LSAMP: variants seen among roughly 807,000 people sequenced by gnomAD.
LSAMP encodes the protein limbic system associated membrane protein, also known as limbic system-associated membrane protein.
A neutral mutation model predicts 38.6 loss-of-function variants in LSAMP; 7 were observed. The observed-to-expected ratio is 0.18, with a 90% CI of 0.10 to 0.34. The LOEUF (loss-of-function observed/expected upper bound fraction) is 0.34. Ranked by LOEUF, LSAMP falls within the 10% of genes least tolerant of loss-of-function variation. LSAMP has a pLI of 1.00. For synonymous variants in LSAMP, 154 were observed against 166.8 expected (o/e 0.92, Z 0.59); for missense variants, 313 against 420.0 (o/e 0.75, Z 2.23).
intron 1 of LSAMP, among the ~76,000 whole-genome samples, chr3:116,279,689 T>G (rs1258532982): frequency 6.6e-6 from 1 of 152,204 alleles, no homozygotes; most frequent in African/African-American, 2.4e-5. Context: ...TACTGTCACA[T>G]GTAGATTGCT....
At chr3:116,091,250 A>G (rs1708117005) in intron 1 of LSAMP, among the ~76,000 whole-genome samples, 1 of 152,228 alleles carries the variant, frequency 6.6e-6, no homozygotes, top group Admixed American at 6.5e-5. Flanking sequence ...GCCAGAGTTT[A>G]AGGTTATCTC....
At chr3:116,307,551 T>A (rs900428876) in intron 1 of LSAMP, among the ~76,000 whole-genome samples, 12 of 152,046 alleles carry the variant, frequency 7.9e-5, no homozygotes, top group African/African-American at 2.9e-4. Context: ...GAAAATCTCC[T>A]GGTGCTTTCT....
At chr3:116,053,543 T>A in intron 2 of LSAMP, among the ~76,000 whole-genome samples, 1 of 152,172 alleles carries the variant, frequency 6.6e-6, no homozygotes, top group East Asian at 1.9e-4. Context: ...GTAAGTTGAA[T>A]GAAAATGTAT....
At chr3:116,214,654 C>G (rs964827742) in intron 1 of LSAMP, among the ~76,000 whole-genome samples, 1 of 151,996 alleles carries the variant, frequency 6.6e-6, no homozygotes, top group Non-Finnish European at 1.5e-5. Flanking sequence ...AGGTGCCCAC[C>G]ACCACGCATG....
chr3:116,180,672 T>C (rs1216584568), intron 1 of LSAMP, among the ~76,000 whole-genome samples: 1 of 152,190 alleles, frequency 6.6e-6, no homozygotes, highest in African/African-American at 2.4e-5. Context: ...AATTATTTTG[T>C]TACATACAAA....
At chr3:115,897,221 T>C (rs542977716) in intron 3 of LSAMP, among the ~76,000 whole-genome samples, 2 of 152,214 alleles carry the variant, frequency 1.3e-5, no homozygotes, top group South Asian at 4.1e-4. Context: ...TGATCATTTT[T>C]CCCCTCATTT....
chr3:116,200,730 C>A (rs566998299), intron 1 of LSAMP, among the ~76,000 whole-genome samples: 12 of 152,244 alleles, frequency 7.9e-5, no homozygotes, highest in African/African-American at 2.6e-4. Flanking sequence ...AATTTACCAC[C>A]CACTAATGCC....
intron 1 of LSAMP, among the ~76,000 whole-genome samples, chr3:116,088,034 T>G (rs1882011): frequency 0.026 from 3,947 of 151,472 alleles, 175 homozygotes; most frequent in African/African-American, 0.09. Flanking sequence ...GCTAGGATGA[T>G]AGGTGCATGC....
chr3:116,178,096 C>CGTGTGTGTGTGTGT (rs10662261), intron 1 of LSAMP, among the ~76,000 whole-genome samples: 2 of 150,038 alleles, frequency 1.3e-5, no homozygotes, highest in African/African-American at 2.4e-5. Flanking sequence ...GTCTTGTGTA[C>CGTGTGTGTGTGTGT]GTGTGTGTGT....
intron 4 of LSAMP, among the ~76,000 whole-genome samples, chr3:115,850,842 G>C (rs114442563): frequency 1.3e-5 from 2 of 152,172 alleles, no homozygotes; most frequent in Admixed American, 1.3e-4. Flanking sequence ...CATAGGCTGC[G>C]TAAACTTTAG....
At chr3:116,403,691 A>G (rs1364301801) in intron 1 of LSAMP, among the ~76,000 whole-genome samples, 1 of 152,184 alleles carries the variant, frequency 6.6e-6, no homozygotes, top group Non-Finnish European at 1.5e-5. Context: ...AATGTGTCTC[A>G]TACATGATTG....
rs748536224 is a variant in LSAMP, at chr3:116,292,997, CTATT to C, written c.155+151876_155+151879del. On this transcript the variant is annotated intron_variant, in intron 1 of 6. Coordinates refer to ENST00000490035, the MANE Select transcript of LSAMP (RefSeq NM_002338.5). ...AAGGAAGCAGAAACTATTTCTTTCT[CTATT>C]TATTTCCTTTCCATGTCATGAATGA... Among the ~76,000 whole-genome samples, 157 of 152,302 alleles carry C rather than the reference CTATT, an allele frequency of 1.0e-3. 1 individual carries two copies. Among genetic ancestry groups the C allele is most frequent in the Middle Eastern group, 3.4e-3 (1 of 294 alleles).
intron 6 of LSAMP, among the ~76,000 whole-genome samples, chr3:115,811,103 C>G (rs1355408118): frequency 6.6e-6 from 1 of 152,154 alleles, no homozygotes; most frequent in Non-Finnish European, 1.5e-5. Flanking sequence ...TAAACAAACA[C>G]ACCTAGAGAG....
chr3:115,985,772 AC>A (rs1392966199), intron 3 of LSAMP, among the ~76,000 whole-genome samples: 2 of 152,094 alleles, frequency 1.3e-5, no homozygotes, highest in Non-Finnish European at 2.9e-5. Flanking sequence ...AACATCTACA[AC>A]CATGTAGGTG....
intron 6 of LSAMP, among the ~76,000 whole-genome samples, chr3:115,832,220 AAAG>A (rs1307986616): frequency 6.6e-6 from 1 of 152,172 alleles, no homozygotes; most frequent in Non-Finnish European, 1.5e-5. Context: ...GGAAATTAGG[AAAG>A]AAAGTTTTCC....
chr3:115,862,326 T>A (rs776201853), intron 3 of LSAMP, among the ~76,000 whole-genome samples: 1 of 152,196 alleles, frequency 6.6e-6, no homozygotes, highest in Non-Finnish European at 1.5e-5. Context: ...CTCAGCAGGG[T>A]GATTGCACTA....
At chr3:116,200,421 T>C (rs1219950992) in intron 1 of LSAMP, among the ~76,000 whole-genome samples, 2 of 152,194 alleles carry the variant, frequency 1.3e-5, no homozygotes, top group Non-Finnish European at 2.9e-5. Flanking sequence ...ATCCTATCTG[T>C]TTTCCTAATA....
intron 1 of LSAMP, among the ~76,000 whole-genome samples, chr3:116,411,525 G>T (rs2048976915): frequency 6.8e-6 from 1 of 148,100 alleles, no homozygotes; most frequent in Non-Finnish European, 1.5e-5. Context: ...CTATCACAAG[G>T]ACAAAAAACC....
intron 3 of LSAMP, among the ~76,000 whole-genome samples, chr3:115,982,655 T>G (rs1346866089): frequency 6.6e-6 from 1 of 152,088 alleles, no homozygotes; most frequent in Non-Finnish European, 1.5e-5. Context: ...TTCTCTCTCT[T>G]TTCTTTTCTT....
Sources: allele counts gnomAD v4.1 joint callset (sites outside exome capture counted in the v4.1 genomes callset), GRCh38; gene constraint gnomAD v4.1.1; transcripts MANE v1.5; gene names NCBI Gene and HGNC (gene_info 2026-07-23, HGNC 2026-07-21).